Variants in SPCS3 observed in about 807,000 individuals in gnomAD.
The protein encoded by SPCS3 is SPase 22 kDa subunit.
A neutral mutation model predicts 17.2 loss-of-function variants in SPCS3; 9 were observed. The observed-to-expected ratio is 0.52, with a 90% CI of 0.31 to 0.91. SPCS3 has a LOEUF of 0.91. Ranked by LOEUF, SPCS3 falls within the 40% of genes least tolerant of loss-of-function variation. The probability of loss-of-function intolerance (pLI) is 0.04; values close to 1 mark genes in which losing one functional copy is unlikely to be tolerated. For missense variants in SPCS3, 139 were observed against 217.5 expected, an observed-to-expected ratio of 0.64 and a Z score of 2.27; for synonymous variants, 87 against 89.6, an observed-to-expected ratio of 0.97 and a Z score of 0.16.
At chr4:176,327,483 A>C (rs769962678) in intron 4 of SPCS3, 10 of 362,336 alleles carry the variant, frequency 2.8e-5, no homozygotes, top group Admixed American at 4.4e-5. Flanking sequence ...GAAATGTCAT[A>C]GTCAAACTAA....
At chr4:176,320,304 G>T (rs943362964) in intron 1 of SPCS3, 85 bp downstream of exon 1, 3 of 1,203,836 alleles carry the variant, frequency 2.5e-6, no homozygotes, top group Non-Finnish European at 2.1e-6. Flanking sequence ...CGGGGCTGCC[G>T]TGCCGGGGCC....
intron 3 of SPCS3, 139 bp downstream of exon 3, chr4:176,324,396 TTA>T (rs1731576450): frequency 2.4e-6 from 1 of 413,658 alleles, no homozygotes; most frequent in Non-Finnish European, 3.9e-6. Flanking sequence ...GGTAGCTGTG[TTA>T]TGAAAACATT....
At chr4:176,326,521 T>C (rs1360039698) in intron 3 of SPCS3, among the ~76,000 whole-genome samples, 3 of 152,312 alleles carry the variant, frequency 2.0e-5, no homozygotes, top group South Asian at 2.1e-4. Flanking sequence ...CTTAAAAGAA[T>C]TGTCTGACCT....
chr4:176,324,481 T>C (rs1199465948), intron 3 of SPCS3, among the ~76,000 whole-genome samples: 2 of 152,210 alleles, frequency 1.3e-5, no homozygotes, highest in Non-Finnish European at 2.9e-5. Context: ...TTTAGCTCTC[T>C]AGCATTGGGG....
rs1048440261 is a variant in SPCS3, at chr4:176,331,423, G to A, written c.*3093G>A. 6 of 152,054 alleles carry A rather than the reference G, an allele frequency of 3.9e-5. No individual in the cohort carries two copies. Among genetic ancestry groups the A allele is most frequent in the South Asian group, 2.1e-4 (1 of 4,832 alleles). 9.4% of individuals were successfully genotyped at this position (152,054 alleles called of 1,614,324 possible). A position where few individuals can be genotyped will look rare whatever the true frequency, so the allele number is the denominator to read the frequency against. The stretch of plus-strand genomic sequence containing the variant: ...CCTTGCTTTTAGCAGAGAGAAGCCT[G>A]TATATGTTACATGTGTGACTTTCAG... On this transcript the variant is annotated 3_prime_UTR_variant, in exon 5 of 5. Transcript: ENST00000503362.
At chr4:176,322,047 C>T in intron 1 of SPCS3, 123 bp from the exon 2 acceptor site, 1 of 540,624 alleles carries the variant, frequency 1.8e-6, no homozygotes, top group Non-Finnish European at 3.3e-6. Flanking sequence ...CTGGTGTTTA[C>T]TCGTTTCTTT....
At position 176,330,188 on chromosome 4, in the gene SPCS3, C is replaced by CTG. The variant is rs1579360588; in HGVS notation, c.*1859_*1860insGT. On this transcript the variant is annotated 3_prime_UTR_variant, in exon 5 of 5. Coordinates refer to ENST00000503362, the MANE Select transcript of SPCS3 (RefSeq NM_021928.4). ...TGAAGACAGGAAAACGAATGAAAGT[C>CTG]TAACACATAACTCATATTGATTTAC... 6.6e-6 allele frequency: 1 copy of CTG among 152,180 alleles called. No homozygotes were observed. Among genetic ancestry groups the CTG allele is most frequent in the Non-Finnish European group, 1.5e-5 (1 of 68,016 alleles). 9.4% of individuals were successfully genotyped at this position (152,180 alleles called of 1,614,324 possible). A position where few individuals can be genotyped will look rare whatever the true frequency, so the allele number is the denominator to read the frequency against.
rs1579359962 is a variant in SPCS3 at position 176,328,837 on chromosome 4, TA to T, written c.*513del. 2.6e-5 allele frequency: 4 copies of T among 152,278 alleles called. No individual in the cohort carries two copies. In the East Asian group the frequency reaches 7.7e-4, roughly 29 times the overall value. 9.4% of individuals were successfully genotyped at this position (152,278 alleles called of 1,614,324 possible). ...GGTTATTTGTTAGAAGTCTGGTTTA[TA>T]AAAAAGCCAAAAGTGATGGAATTTA... On this transcript the variant is annotated 3_prime_UTR_variant, in exon 5 of 5. Coordinates refer to ENST00000503362, the MANE Select transcript of SPCS3 (RefSeq NM_021928.4).
intron 4 of SPCS3, 67 bp downstream of exon 4, chr4:176,327,344 A>T: frequency 1.0e-6 from 1 of 995,916 alleles, no homozygotes; most frequent in Non-Finnish European, 1.4e-6. Context: ...ATGTATTTTT[A>T]TTTTAAAGAA....
At chr4:176,326,954 CAG>C (rs1383320255) in intron 3 of SPCS3, 2 of 393,446 alleles carry the variant, frequency 5.1e-6, no homozygotes, top group Non-Finnish European at 9.2e-6. Context: ...TGAACTCCTT[CAG>C]GGAATTGTCA....
At chr4:176,328,138 A>C in intron 4 of SPCS3, 60 bp from the exon 5 acceptor site, 1 of 1,553,632 alleles carries the variant, frequency 6.4e-7, no homozygotes, top group Non-Finnish European at 8.7e-7. Flanking sequence ...TGTTTGTCTT[A>C]AAATTTTTTT....
In SPCS3 at chr4:176,331,078, CCAATTCATAGCTGGG is replaced by C. The variant is rs1272468406; in HGVS notation, c.*2750_*2764del. On this transcript the variant is annotated 3_prime_UTR_variant, in exon 5 of 5. Coordinates refer to ENST00000503362, the MANE Select transcript of SPCS3 (RefSeq NM_021928.4). Reference sequence around the variant, plus strand: ...ACAGTTCTTTGGTGGGTCTCGTCAGCCAATTCATAGCTGGGCTTTAAGATTATCATCTTAGAGATG... The same window carrying C: ...ACAGTTCTTTGGTGGGTCTCGTCAGCCTTTAAGATTATCATCTTAGAGATG... 5 of 152,060 alleles carry C rather than the reference CCAATTCATAGCTGGG, an allele frequency of 3.3e-5. No individual in the cohort carries two copies. In the East Asian group the frequency reaches 9.7e-4, roughly 29 times the overall value. The allele number at this position is 152,060 out of a possible 1,614,324, so 9.4% of individuals were successfully genotyped here.
chr4:176,322,379 A>G, intron 2 of SPCS3, 136 bp downstream of exon 2: 1 of 575,340 alleles, frequency 1.7e-6, no homozygotes, highest in South Asian at 2.3e-5. Context: ...TTTCATCAGT[A>G]AAATAATGTT....
In SPCS3 at chr4:176,320,044, G is replaced by A. The variant is rs1731513415; in HGVS notation, c.-33G>A. 1 of 1,505,398 alleles carries A rather than the reference G, an allele frequency of 6.6e-7. No homozygotes were observed. Among genetic ancestry groups the A allele is most frequent in the Non-Finnish European group, 8.9e-7 (1 of 1,117,788 alleles). 93.3% of individuals were successfully genotyped at this position (1,505,398 alleles called of 1,614,324 possible). A position where few individuals can be genotyped will look rare whatever the true frequency, so the allele number is the denominator to read the frequency against. ...CGCCGGAACGGGAGCCTGGGTGTGC[G>A]TGTGGAGTCCGGACTCGTGGGAGAC... On this transcript the variant is annotated 5_prime_UTR_variant, in exon 1 of 5. It adds an upstream start codon to the 5' untranslated region. Transcript: ENST00000503362.
chr4:176,324,486 T>C (rs954224133), intron 3 of SPCS3, among the ~76,000 whole-genome samples: 5 of 152,222 alleles, frequency 3.3e-5, no homozygotes, highest in African/African-American at 9.6e-5. Context: ...CTCTCTAGCA[T>C]TGGGGTCTCC....
In SPCS3 at chr4:176,324,161, AT is replaced by A; in HGVS notation, c.218-16del. The A allele has an allele frequency of 9.3e-7, 1 of 1,077,442 alleles. No individual in the cohort carries two copies. The highest frequency in any genetic ancestry group is 1.3e-6 in the Non-Finnish European group (1 of 779,592). 66.7% of individuals were successfully genotyped at this position (1,077,442 alleles called of 1,614,324 possible). On this transcript the variant is annotated intron_variant, in intron 2 of 4. Coordinates refer to ENST00000503362, the MANE Select transcript of SPCS3 (RefSeq NM_021928.4). ...AGTGATATACTGCTCATAAATTTAT[AT>A]TTTCCTTAATTTACTTACATCTAGA... is the stretch of plus-strand genomic sequence containing the variant.
chr4:176,320,767 C>T (rs1731526913), intron 1 of SPCS3: 1 of 152,338 alleles, frequency 6.6e-6, no homozygotes, highest in Non-Finnish European at 1.5e-5. Context: ...CAGTTGTTGC[C>T]TTTGCACCTT....
intron 3 of SPCS3, among the ~76,000 whole-genome samples, chr4:176,326,469 A>G (rs61444467): frequency 0.011 from 1,676 of 152,204 alleles, 32 homozygotes; most frequent in African/African-American, 0.036. Flanking sequence ...CATACTTTTA[A>G]TTTTCTAAAT....
Position 176,320,094 on chromosome 4 carries a change from G to A in SPCS3, c.18G>A (p.Ser6=), listed in dbSNP as rs1355449842. MNTVL[S]RANSLFAFSL... ...CGATCGCGATGAACACGGTGCTGTCGCGGGCGAACTCACTGTTCGCCTTCT... is the reference window on the plus strand; with the variant it reads ...CGATCGCGATGAACACGGTGCTGTCACGGGCGAACTCACTGTTCGCCTTCT... The change falls in exon 1 of 5, where the codon TCG becomes TCA. Residue 6 remains serine (S), a synonymous_variant. Transcript: ENST00000503362. 1 of 1,570,774 alleles carries A rather than the reference G, an allele frequency of 6.4e-7. No individual in the cohort carries two copies. Among genetic ancestry groups the A allele is most frequent in the Non-Finnish European group, 8.6e-7 (1 of 1,159,442 alleles).
Sources: gnomAD v4.1 joint callset for allele counts (sites outside exome capture counted in the v4.1 genomes callset) on GRCh38, gnomAD v4.1.1 for gene constraint, MANE v1.5 for transcripts, NCBI Gene and HGNC (gene_info 2026-07-23, HGNC 2026-07-21) for gene names.